The following GALNTL6 variants were observed in gnomAD, a reference collection of about 807,000 sequenced individuals.
GALNTL6 encodes polypeptide N-acetylgalactosaminyltransferase-like 6.
GALNTL6 carries 46 observed loss-of-function variants against 73.7 expected under a neutral mutation model. That is an observed-to-expected ratio of 0.62 (90% CI 0.49 to 0.80). The LOEUF is 0.80. Among genes scored for constraint, GALNTL6 ranks in the 30% least tolerant of loss-of-function variants. The pLI, the probability that GALNTL6 is intolerant of heterozygous loss-of-function variation, is 0.00. For synonymous variants in GALNTL6, 259 were observed against 263.7 expected, an observed-to-expected ratio of 0.98 and a Z score of 0.17; for missense variants, 604 against 755.0, an observed-to-expected ratio of 0.80 and a Z score of 2.34.
intron 4 of GALNTL6, among the ~76,000 whole-genome samples, chr4:172,339,253 CACACCA>C (rs1446318923): frequency 7.2e-6 from 1 of 138,702 alleles, no homozygotes; most frequent in African/African-American, 2.7e-5. Context: ...AACACACACA[CACACCA>C]CACACACACA....
Position 172,475,064 on chromosome 4 carries a change from G to A in GALNTL6, c.553+126375G>A, listed in dbSNP as rs138797494. On this transcript the variant is annotated intron_variant, in intron 5 of 12. Coordinates refer to ENST00000506823, the MANE Select transcript of GALNTL6 (RefSeq NM_001034845.3). ...GTAATTTTATTTATTGATTTCCTTC[G>A]TTCTAGAGTTGGTGAAGGGCAATAA... Among the ~76,000 whole-genome samples the A allele has an allele frequency of 2.4e-3, 361 of 152,192 alleles. 2 individuals are homozygous for A. Among genetic ancestry groups the A allele is most frequent in the African/African-American group, 8.2e-3 (341 of 41,518 alleles).
intron 3 of GALNTL6, among the ~76,000 whole-genome samples, chr4:172,270,227 A>C (rs186184109): frequency 6.6e-6 from 1 of 151,680 alleles, no homozygotes; most frequent in East Asian, 1.9e-4. Flanking sequence ...TACAGGTTCT[A>C]ATGCATCCAT....
At chr4:172,561,589 C>T (rs13118509) in intron 5 of GALNTL6, among the ~76,000 whole-genome samples, 28,740 of 152,168 alleles carry the variant, frequency 0.19, 3,525 homozygotes, top group Non-Finnish European at 0.29. Context: ...GGCCACCTCT[C>T]CAGACAGCCT....
chr4:172,286,883 C>T (rs1318514732), intron 3 of GALNTL6, among the ~76,000 whole-genome samples: 2 of 152,252 alleles, frequency 1.3e-5, no homozygotes, highest in African/African-American at 4.8e-5. Flanking sequence ...TATGAAAATA[C>T]ATTACAGTGA....
intron 5 of GALNTL6, among the ~76,000 whole-genome samples, chr4:172,708,821 T>C (rs1439805220): frequency 6.6e-6 from 1 of 152,178 alleles, no homozygotes; most frequent in African/African-American, 2.4e-5. Context: ...TTGTGAAAAA[T>C]CTTCATCCAA....
At chr4:171,836,701 T>C (rs1421384419) in intron 2 of GALNTL6, among the ~76,000 whole-genome samples, 1 of 152,170 alleles carries the variant, frequency 6.6e-6, no homozygotes, top group African/African-American at 2.4e-5. Context: ...ACTTTTTCAG[T>C]CTTCTTTCGT....
At chr4:171,942,952 A>G (rs937195316) in intron 2 of GALNTL6, among the ~76,000 whole-genome samples, 3 of 152,222 alleles carry the variant, frequency 2.0e-5, no homozygotes, top group African/African-American at 4.8e-5. Flanking sequence ...GTAAGTAACT[A>G]AATGACTGTG....
At chr4:172,231,232 A>G (rs576842686) in intron 3 of GALNTL6, among the ~76,000 whole-genome samples, 5 of 152,032 alleles carry the variant, frequency 3.3e-5, no homozygotes, top group Admixed American at 1.3e-4. Context: ...GTTTCTCCTT[A>G]TGACCCCAGG....
At chr4:172,051,570 T>G (rs1730866855) in intron 2 of GALNTL6, among the ~76,000 whole-genome samples, 1 of 152,088 alleles carries the variant, frequency 6.6e-6, no homozygotes, top group Admixed American at 6.5e-5. Context: ...CCAGCCAGAC[T>G]CCTTTCAGCA....
At chr4:171,967,457 T>TTTTGTTTTTG (rs781594013) in intron 2 of GALNTL6, among the ~76,000 whole-genome samples, 2 of 105,246 alleles carry the variant, frequency 1.9e-5, no homozygotes, top group African/African-American at 6.5e-5. Context: ...GTTTTTTTTT[T>TTTTGTTTTTG]TTTTTTTTGT....
At chr4:172,942,701 G>C (rs1428942184) in intron 9 of GALNTL6, among the ~76,000 whole-genome samples, 1 of 152,146 alleles carries the variant, frequency 6.6e-6, no homozygotes, top group Non-Finnish European at 1.5e-5. Context: ...GCTTGCCTCT[G>C]TTTCCTGCCC....
chr4:172,671,718 A>C (rs1263419601), intron 5 of GALNTL6, among the ~76,000 whole-genome samples: 1 of 152,166 alleles, frequency 6.6e-6, no homozygotes, highest in Non-Finnish European at 1.5e-5. Context: ...GAGAGTGGGC[A>C]TCCTCATCTT....
chr4:172,601,452 A>ATCACTG (rs1300119172), intron 5 of GALNTL6, among the ~76,000 whole-genome samples: 2 of 152,106 alleles, frequency 1.3e-5, no homozygotes, highest in Non-Finnish European at 2.9e-5. Flanking sequence ...GACTGGATAA[A>ATCACTG]TCACTGAAAA....
chr4:172,830,648 C>A (rs1448317962), intron 7 of GALNTL6, among the ~76,000 whole-genome samples: 1 of 152,180 alleles, frequency 6.6e-6, no homozygotes, highest in Non-Finnish European at 1.5e-5. Flanking sequence ...GGTCATCAAG[C>A]AGCCACACCG....
intron 5 of GALNTL6, among the ~76,000 whole-genome samples, chr4:172,705,785 A>G (rs1430440661): frequency 6.6e-6 from 1 of 152,108 alleles, no homozygotes; most frequent in Non-Finnish European, 1.5e-5. Flanking sequence ...TAGCACTATT[A>G]GTATGTCATC....
At chr4:172,676,217 G>A (rs528618411) in intron 5 of GALNTL6, among the ~76,000 whole-genome samples, 94 of 152,078 alleles carry the variant, frequency 6.2e-4, no homozygotes, top group African/African-American at 9.7e-4. Flanking sequence ...ATTAACAAAG[G>A]AATACAAGGA....
chr4:172,418,375 A>T (rs1415386542), intron 5 of GALNTL6, among the ~76,000 whole-genome samples: 1 of 152,178 alleles, frequency 6.6e-6, no homozygotes, highest in Non-Finnish European at 1.5e-5. Flanking sequence ...GAATGTTAGC[A>T]GACATAACCC....
intron 5 of GALNTL6, among the ~76,000 whole-genome samples, chr4:172,601,389 C>G (rs1201340171): frequency 6.6e-6 from 1 of 152,132 alleles, no homozygotes; most frequent in African/African-American, 2.4e-5. Context: ...TGGGGCAGAT[C>G]ACTCATCCAT....
chr4:171,850,252 T>C (rs1170407741), intron 2 of GALNTL6, among the ~76,000 whole-genome samples: 1 of 152,094 alleles, frequency 6.6e-6, no homozygotes, highest in African/African-American at 2.4e-5. Flanking sequence ...GATTAAAAAT[T>C]TAACATTTAA....
Sources: allele counts gnomAD v4.1 joint callset (sites outside exome capture counted in the v4.1 genomes callset), GRCh38; gene constraint gnomAD v4.1.1; transcripts MANE v1.5; gene names NCBI Gene and HGNC (gene_info 2026-07-23, HGNC 2026-07-21).